The following NCALD variants were observed in gnomAD, a reference collection of about 807,000 sequenced individuals.
The protein encoded by NCALD is neurocalcin delta.
In NCALD, 10 loss-of-function variants were observed where a neutral mutation model predicts 18.6. The ratio of observed to expected loss-of-function variants is 0.54; its 90% confidence interval spans 0.33 to 0.91. NCALD has a LOEUF of 0.91. Among genes scored for constraint, NCALD ranks in the 40% least tolerant of loss-of-function variants. The pLI, the probability that NCALD is intolerant of heterozygous loss-of-function variation, is 0.03. For synonymous variants in NCALD, 88 were observed against 87.4 expected, an observed-to-expected ratio of 1.01 and a Z score of -0.04; for missense variants, 184 against 247.6, an observed-to-expected ratio of 0.74 and a Z score of 1.72.
At chr8:101,798,842 T>C (rs777453817) in intron 4 of NCALD, among the ~76,000 whole-genome samples, 1 of 152,194 alleles carries the variant, frequency 6.6e-6, no homozygotes, top group Non-Finnish European at 1.5e-5. Context: ...GAGAACCCAA[T>C]AGCTCACCAC....
chr8:101,927,035 G>A (rs1019757426), intron 2 of NCALD, among the ~76,000 whole-genome samples: 2 of 152,088 alleles, frequency 1.3e-5, no homozygotes, highest in African/African-American at 4.8e-5. Flanking sequence ...CTGTTCTCCC[G>A]TGGCTTCCTC....
chr8:101,773,783 A>G (rs1469988184), intron 1 of NCALD, among the ~76,000 whole-genome samples: 1 of 152,038 alleles, frequency 6.6e-6, no homozygotes, highest in African/African-American at 2.4e-5. Flanking sequence ...ATGTTGGCCT[A>G]TGTACCTCCC....
intron 4 of NCALD, among the ~76,000 whole-genome samples, chr8:101,837,492 TA>T (rs1445173133): frequency 4.6e-5 from 7 of 152,196 alleles, no homozygotes; most frequent in Non-Finnish European, 8.8e-5. Context: ...AAGCTCCAAG[TA>T]GAAACTTCTG....
chr8:101,755,749 T>C (rs912457448), intron 1 of NCALD, among the ~76,000 whole-genome samples: 2 of 152,200 alleles, frequency 1.3e-5, no homozygotes, highest in Admixed American at 1.3e-4. Context: ...ATAACACTCC[T>C]TTGTAAACAG....
At chr8:101,967,452 G>A (rs905673265) in intron 2 of NCALD, among the ~76,000 whole-genome samples, 10 of 152,106 alleles carry the variant, frequency 6.6e-5, no homozygotes, top group South Asian at 2.1e-4. Context: ...ACCCTTGTTC[G>A]GAAGGGACAG....
chr8:101,868,848 T>C (rs1025952514), intron 4 of NCALD, among the ~76,000 whole-genome samples: 2 of 152,230 alleles, frequency 1.3e-5, no homozygotes, highest in Non-Finnish European at 1.5e-5. Context: ...GGAGTATACT[T>C]TCATTTTCAA....
intron 2 of NCALD, among the ~76,000 whole-genome samples, chr8:101,983,096 CT>C (rs138861267): frequency 1.5e-3 from 231 of 152,260 alleles, no homozygotes; most frequent in Non-Finnish European, 2.5e-3. Flanking sequence ...GATACATATG[CT>C]TCTGAGATAC....
chr8:101,891,427 T>C (rs1162757514), intron 3 of NCALD, among the ~76,000 whole-genome samples: 1 of 152,270 alleles, frequency 6.6e-6, no homozygotes, highest in East Asian at 1.9e-4. Context: ...TCTAAGTTGT[T>C]GCATGTATCA....
intron 2 of NCALD, among the ~76,000 whole-genome samples, chr8:101,711,129 C>T (rs191927309): frequency 6.6e-6 from 1 of 152,268 alleles, no homozygotes; most frequent in East Asian, 1.9e-4. Flanking sequence ...CAAACAGGAT[C>T]TAGAGAGAAC....
At chr8:101,827,321 C>A (rs1378189882) in intron 4 of NCALD, among the ~76,000 whole-genome samples, 1 of 152,194 alleles carries the variant, frequency 6.6e-6, no homozygotes, top group East Asian at 1.9e-4. Flanking sequence ...CTCTCCATCT[C>A]AAGATCCTTA....
intron 2 of NCALD, among the ~76,000 whole-genome samples, chr8:101,967,868 T>TGAGG (rs1563941364): frequency 1.4e-5 from 2 of 141,190 alleles, no homozygotes; most frequent in African/African-American, 5.8e-5. Context: ...CACACACACA[T>TGAGG]GCACTCACCC....
chr8:101,913,127 A>C (rs1817858284), intron 3 of NCALD, among the ~76,000 whole-genome samples: 1 of 152,206 alleles, frequency 6.6e-6, no homozygotes, highest in South Asian at 2.1e-4. Flanking sequence ...ACACCTTTCC[A>C]AGACCATAAG....
chr8:101,748,546 G>C (rs1363379983), intron 1 of NCALD, among the ~76,000 whole-genome samples: 1 of 152,120 alleles, frequency 6.6e-6, no homozygotes, highest in Non-Finnish European at 1.5e-5. Context: ...CCCATGGTGG[G>C]CTTGGCTGGC....
At position 101,687,620 on chromosome 8, in the gene NCALD, T is replaced by C. The variant is rs910985203; in HGVS notation, c.*1689A>G. 1.3e-5 allele frequency: 2 copies of C among 152,304 alleles called. No homozygotes were observed. Among genetic ancestry groups the C allele is most frequent in the African/African-American group, 2.4e-5 (1 of 41,462 alleles). 9.4% of individuals were successfully genotyped at this position (152,304 alleles called of 1,614,324 possible). Reference sequence around the variant, plus strand: ...TCTAGTCACATTTTTCTCCTGGTCATGATGTCTCTCTTTCTGTGGTTCCTC... The same window carrying C: ...TCTAGTCACATTTTTCTCCTGGTCACGATGTCTCTCTTTCTGTGGTTCCTC... On this transcript the variant is annotated 3_prime_UTR_variant, in exon 4 of 4. Coordinates refer to ENST00000220931, the MANE Select transcript of NCALD (RefSeq NM_032041.3).
At chr8:101,857,983 T>G (rs1429622738) in intron 4 of NCALD, among the ~76,000 whole-genome samples, 2 of 152,188 alleles carry the variant, frequency 1.3e-5, no homozygotes, top group Non-Finnish European at 2.9e-5. Flanking sequence ...TAATGAGCAC[T>G]GACATTGTCA....
At chr8:101,863,557 C>A (rs1815633681) in intron 4 of NCALD, among the ~76,000 whole-genome samples, 1 of 151,928 alleles carries the variant, frequency 6.6e-6, no homozygotes, top group Admixed American at 6.6e-5. Flanking sequence ...GGTTGGTATT[C>A]TTAAAATAAC....
At chr8:102,081,522 G>C (rs893164100) in intron 1 of NCALD, among the ~76,000 whole-genome samples, 1 of 113,546 alleles carries the variant, frequency 8.8e-6, no homozygotes, top group Non-Finnish European at 1.7e-5. Flanking sequence ...TCTGATTTAA[G>C]TCAAGGAGAA....
chr8:101,949,785 A>AC (rs1819318970), intron 2 of NCALD, among the ~76,000 whole-genome samples: 1 of 151,892 alleles, frequency 6.6e-6, no homozygotes, highest in Non-Finnish European at 1.5e-5. Flanking sequence ...CAAAAAAAAA[A>AC]ATCAGGTGAT....
rs1338220578 is a variant in NCALD, at chr8:102,063,642, T to C, written c.-209-43353A>G. On this transcript the variant is annotated intron_variant, in intron 1 of 6. Transcript: ENST00000311028. Reference sequence around the variant, plus strand: ...TCCACTACAGCCCCAAGGAATGCTCTAAAAGCTCAAAACTACTCTTGAAAG... The same window carrying C: ...TCCACTACAGCCCCAAGGAATGCTCCAAAAGCTCAAAACTACTCTTGAAAG... Among the ~76,000 whole-genome samples, 4 of 152,188 alleles carry C rather than the reference T, an allele frequency of 2.6e-5. No homozygotes were observed. In the East Asian group the frequency reaches 7.7e-4, roughly 29 times the overall value.
Sources: gnomAD v4.1 joint callset for allele counts (sites outside exome capture counted in the v4.1 genomes callset) on GRCh38, gnomAD v4.1.1 for gene constraint, MANE v1.5 for transcripts, NCBI Gene and HGNC (gene_info 2026-07-23, HGNC 2026-07-21) for gene names.